RASGEF1C: variants seen among roughly 807,000 people sequenced by gnomAD.
RASGEF1C encodes RasGEF domain family member 1C.
Under a neutral mutation model 58.1 loss-of-function variants are expected in RASGEF1C, and 27 were observed. That is an observed-to-expected ratio of 0.46 (90% CI 0.34 to 0.64). RASGEF1C has a LOEUF of 0.64. Among genes scored for constraint, RASGEF1C ranks in the 30% least tolerant of loss-of-function variants. The pLI, the probability that RASGEF1C is intolerant of heterozygous loss-of-function variation, is 0.01. For missense variants in RASGEF1C, 502 were observed against 605.1 expected (o/e 0.83, Z 1.79); for synonymous variants, 243 against 246.3 (o/e 0.99, Z 0.13).
At chr5:180,120,754 G>C (rs1439444890) in intron 7 of RASGEF1C, among the ~76,000 whole-genome samples, 1 of 152,214 alleles carries the variant, frequency 6.6e-6, no homozygotes, top group Non-Finnish European at 1.5e-5. Context: ...GCCCAAGGCA[G>C]GCCGGCACAG....
In RASGEF1C at chr5:180,137,973, T is replaced by C. The variant is rs1766514989; in HGVS notation, c.80A>G (p.Glu27Gly). 1 of 1,600,766 alleles carries C rather than the reference T, an allele frequency of 6.2e-7. No homozygotes were observed. The highest frequency in any genetic ancestry group is 8.5e-7 in the Non-Finnish European group (1 of 1,175,552). ...ATCCAGGAGGGGCTGCCCAGCCTGT[T>C]CGCCATCTGTGGGCTCGGTGGGGGG... ...SPPPTEPTDG[E>G]QAGQPLLDGA... is the part of the protein sequence containing the mutation. The change falls in exon 2 of 14, where the codon GAA becomes GGA. Residue 27 changes from glutamate to glycine, a missense_variant. Glu to Gly is a moderately conservative substitution (Grantham distance 98, BLOSUM62 -2). Transcript: ENST00000361132. The surrounding 1 kb of genome is among the most constrained non-coding windows in gnomAD (Gnocchi z 4.1).
intron 1 of RASGEF1C, among the ~76,000 whole-genome samples, chr5:180,170,338 G>A (rs566745357): frequency 3.3e-5 from 5 of 152,286 alleles, no homozygotes; most frequent in East Asian, 1.9e-4. Context: ...AAGGAGGGGC[G>A]CGGGCCTGTT....
At chr5:180,125,588 G>A (rs1478179161) in intron 6 of RASGEF1C, among the ~76,000 whole-genome samples, 4 of 152,048 alleles carry the variant, frequency 2.6e-5, no homozygotes, top group East Asian at 3.9e-4. Context: ...TTCGAGACCA[G>A]CCTGACCAAC....
In RASGEF1C at chr5:180,158,850, C is replaced by T. The variant is rs1766891509; in HGVS notation, c.-6-20792G>A. ...ATTTCACAGATGGTTTCCTCTCCTT[C>T]ATTTTCTCTGTCTAGAATTCTTAGC... On this transcript the variant is annotated intron_variant, in intron 1 of 13. Transcript: ENST00000361132. The surrounding 1 kb of genome is among the most constrained non-coding windows in gnomAD (Gnocchi z 4.0). Among the ~76,000 whole-genome samples, 1 of 152,166 alleles carries T rather than the reference C, an allele frequency of 6.6e-6. No individual in the cohort carries two copies. Among genetic ancestry groups the T allele is most frequent in the Non-Finnish European group, 1.5e-5 (1 of 68,034 alleles).
In RASGEF1C at chr5:180,156,458, A is replaced by G. The variant is rs1347278547; in HGVS notation, c.-6-18400T>C. Among the ~76,000 whole-genome samples the G allele has an allele frequency of 1.3e-5, 2 of 152,182 alleles. No individual in the cohort carries two copies. The highest frequency in any genetic ancestry group is 4.8e-5 in the African/African-American group (2 of 41,448). On this transcript the variant is annotated intron_variant, in intron 1 of 13. Coordinates refer to ENST00000361132, the MANE Select transcript of RASGEF1C (RefSeq NM_175062.4). The surrounding 1 kb of genome is among the most constrained non-coding windows in gnomAD (Gnocchi z 4.9). Reference sequence around the variant, plus strand: ...GGGAACCAAGCGCTGGACCTCTGTGATAAAGAACTGTTATCGAAAATATAT... The same window carrying G: ...GGGAACCAAGCGCTGGACCTCTGTGGTAAAGAACTGTTATCGAAAATATAT...
At chr5:180,133,645 G>A (rs1215415160) in intron 4 of RASGEF1C, among the ~76,000 whole-genome samples, 43 of 152,212 alleles carry the variant, frequency 2.8e-4, no homozygotes, top group Non-Finnish European at 1.2e-4. Context: ...TGGAAGCAAA[G>A]CCTATGTCTA....
At chr5:180,182,106 G>A (rs1767345008) in intron 1 of RASGEF1C, among the ~76,000 whole-genome samples, 1 of 149,706 alleles carries the variant, frequency 6.7e-6, no homozygotes, top group African/African-American at 2.5e-5. Context: ...ACGGGAGGCT[G>A]AGGCAGGAGA....
intron 1 of RASGEF1C, among the ~76,000 whole-genome samples, chr5:180,162,946 C>T (rs10071004): frequency 0.054 from 8,175 of 152,182 alleles, 505 homozygotes; most frequent in African/African-American, 0.15. Flanking sequence ...ATACTGCACA[C>T]AGATTGCTAG....
chr5:180,159,197 C>A (rs188413278), intron 1 of RASGEF1C, among the ~76,000 whole-genome samples: 6 of 150,326 alleles, frequency 4.0e-5, no homozygotes, highest in Non-Finnish European at 8.9e-5. Context: ...TGGAGTGCAA[C>A]GGCGCGATCT....
At chr5:180,139,527 C>T (rs1308843316) in intron 1 of RASGEF1C, among the ~76,000 whole-genome samples, 5 of 152,210 alleles carry the variant, frequency 3.3e-5, no homozygotes, top group African/African-American at 4.8e-5. Flanking sequence ...GTGGGAGGTG[C>T]TGGGACTGGG....
chr5:180,170,557 G>A lies in RASGEF1C; in HGVS notation c.-6-32499C>T, dbSNP rs114187354. ...TGCTGCCTGGTCCTCGCCTGTCCCC[G>A]CGGAGCCCCCGCCCTGGCCAGGCTC... On this transcript the variant is annotated intron_variant, in intron 1 of 13. Transcript: ENST00000361132. Among the ~76,000 whole-genome samples the A allele has an allele frequency of 7.4e-3, 1,133 of 152,084 alleles. 24 individuals carry two copies. The highest frequency in any genetic ancestry group is 0.026 in the African/African-American group (1,080 of 41,482).
At chr5:180,110,578 C>T (rs1765942656) in intron 12 of RASGEF1C, among the ~76,000 whole-genome samples, 1 of 152,130 alleles carries the variant, frequency 6.6e-6, no homozygotes, top group African/African-American at 2.4e-5. Flanking sequence ...GCTTCTCTAC[C>T]ACTTCTGCTT....
chr5:180,204,382 G>A (rs1756454099), intron 1 of RASGEF1C, among the ~76,000 whole-genome samples: 1 of 152,196 alleles, frequency 6.6e-6, no homozygotes, highest in Admixed American at 6.5e-5. Flanking sequence ...TCATGTCCAA[G>A]TGGGACTTAT....
rs538002188 is a variant in RASGEF1C, at chr5:180,176,556, C to CTTT, written c.-7+32469_-7+32471dup. Among the ~76,000 whole-genome samples, 19 of 138,382 alleles carry CTTT rather than the reference C, an allele frequency of 1.4e-4. No individual in the cohort carries two copies. The Admixed American group carries it at 1.4e-3, about 10-fold the overall frequency. The allele number at this position is 138,382 out of a possible 152,430, so 90.8% of individuals were successfully genotyped here. ...GGGCCTTGGCTTTCCAAGGCTAATA[C>CTTT]TTTTTTTTTTTTTTTTTTGAGATGG... is the stretch of plus-strand genomic sequence containing the variant. On this transcript the variant is annotated intron_variant, in intron 1 of 13. Coordinates refer to ENST00000361132, the MANE Select transcript of RASGEF1C (RefSeq NM_175062.4).
At chr5:180,165,887 C>A (rs1304867309) in intron 1 of RASGEF1C, among the ~76,000 whole-genome samples, 1 of 150,158 alleles carries the variant, frequency 6.7e-6, no homozygotes, top group African/African-American at 2.4e-5. Flanking sequence ...GTAGCTGGGA[C>A]TACAGGCACC....
At chr5:180,140,746 G>C (rs7734829) in intron 1 of RASGEF1C, among the ~76,000 whole-genome samples, 30,692 of 152,198 alleles carry the variant, frequency 0.2, 3,472 homozygotes, top group African/African-American at 0.29. Flanking sequence ...AGGAGCTCCA[G>C]CCTGCCTGGA....
At position 180,121,637 on chromosome 5, in the gene RASGEF1C, T is replaced by TCACACACACACACACA. The variant is rs762495633; in HGVS notation, c.715-504_715-489dup. 3.6e-3 allele frequency among the ~76,000 whole-genome samples: 405 copies of TCACACACACACACACA among 113,306 alleles called. 1 individual carries two copies. Among genetic ancestry groups the TCACACACACACACACA allele is most frequent in the Non-Finnish European group, 5.2e-3 (284 of 54,128 alleles). 74.3% of individuals were successfully genotyped at this position (113,306 alleles called of 152,430 possible). On this transcript the variant is annotated intron_variant, in intron 6 of 13. Coordinates refer to ENST00000361132, the MANE Select transcript of RASGEF1C (RefSeq NM_175062.4). ...TAAAAATACATTTTAAAATGTAACT[T>TCACACACACACACACA]CACACACACACACACACACACACAC...
intron 1 of RASGEF1C, among the ~76,000 whole-genome samples, chr5:180,142,020 T>G (rs771151375): frequency 1.3e-5 from 2 of 152,146 alleles, no homozygotes; most frequent in Non-Finnish European, 2.9e-5. Context: ...AGTCTTGAAA[T>G]CACTGTTAAG....
chr5:180,156,252 C>T lies in RASGEF1C; in HGVS notation c.-6-18194G>A, dbSNP rs1322997532. 6.6e-6 allele frequency among the ~76,000 whole-genome samples: 1 copy of T among 152,172 alleles called. No homozygotes were observed. Among genetic ancestry groups the T allele is most frequent in the Non-Finnish European group, 1.5e-5 (1 of 68,040 alleles). ...GCATGCTGATGGTGCAAGGAGAGGACGGCACTGCCCCTGCTGGACGGAGGC... is the reference window on the plus strand; with the variant it reads ...GCATGCTGATGGTGCAAGGAGAGGATGGCACTGCCCCTGCTGGACGGAGGC... On this transcript the variant is annotated intron_variant, in intron 1 of 13. Coordinates refer to ENST00000361132, the MANE Select transcript of RASGEF1C (RefSeq NM_175062.4). This position sits in a 1 kb window ranked among gnomAD's most constrained non-coding sequence, Gnocchi z 4.9.
Sources: allele counts gnomAD v4.1 joint callset (sites outside exome capture counted in the v4.1 genomes callset), GRCh38; gene constraint gnomAD v4.1.1; non-coding constraint Gnocchi (gnomAD v3.1); transcripts MANE v1.5; gene names NCBI Gene and HGNC (gene_info 2026-07-23, HGNC 2026-07-21).